SLC22A5: variants seen among roughly 807,000 people sequenced by gnomAD.
SLC22A5 encodes the protein solute carrier family 22 member 5.
Under a neutral mutation model 56.7 loss-of-function variants are expected in SLC22A5, and 44 were observed. The ratio of observed to expected loss-of-function variants is 0.78; its 90% confidence interval spans 0.61 to 1.00. The LOEUF (loss-of-function observed/expected upper bound fraction) is 1.00, where lower values mean the gene tolerates loss of function less well. Among genes scored for constraint, SLC22A5 ranks in the 50% least tolerant of loss-of-function variants. The pLI is 0.00. For synonymous variants in SLC22A5, 278 were observed against 292.1 expected (o/e 0.95, Z 0.49); for missense variants, 675 against 723.0 (o/e 0.93, Z 0.76).
In SLC22A5 at chr5:132,369,831, C is replaced by G; in HGVS notation, c.-142C>G. 9.2e-7 allele frequency: 1 copy of G among 1,092,754 alleles called. No homozygotes were observed. Among genetic ancestry groups the G allele is most frequent in the South Asian group, 1.7e-5 (1 of 59,618 alleles). The allele number at this position is 1,092,754 out of a possible 1,614,324, so 67.7% of individuals were successfully genotyped here. A position where few individuals can be genotyped will look rare whatever the true frequency, so the allele number is the denominator to read the frequency against. On this transcript the variant is annotated 5_prime_UTR_variant, in exon 1 of 10. Coordinates refer to ENST00000245407, the MANE Select transcript of SLC22A5 (RefSeq NM_003060.4). ...GGCAGGACCAAGGCGGCGGTGTCAGCTCGCGAGCCTACCCTCCGCGGACGG... is the reference window on the plus strand; with the variant it reads ...GGCAGGACCAAGGCGGCGGTGTCAGGTCGCGAGCCTACCCTCCGCGGACGG...
chr5:132,376,938 G>A (rs924070274), intron 1 of SLC22A5: 9 of 152,622 alleles, frequency 5.9e-5, no homozygotes, highest in African/African-American at 2.2e-4. Context: ...GCCCTTCTGA[G>A]GCTGTGGAGG....
At chr5:132,372,861 T>C (rs1202037424) in intron 1 of SLC22A5, among the ~76,000 whole-genome samples, 4 of 152,184 alleles carry the variant, frequency 2.6e-5, no homozygotes, top group Non-Finnish European at 4.4e-5. Flanking sequence ...TCTAGTCCCA[T>C]GCCTGCTAAA....
At chr5:132,376,234 T>G (rs1462658541) in intron 1 of SLC22A5, 2 of 152,238 alleles carry the variant, frequency 1.3e-5, no homozygotes, top group African/African-American at 4.8e-5. Context: ...ACAGACCCCC[T>G]GCGGCCAATA....
chr5:132,387,691 G>C (rs551217175), intron 5 of SLC22A5: 1 of 186,630 alleles, frequency 5.4e-6, no homozygotes, highest in Non-Finnish European at 1.2e-5. Context: ...CTTGGAGTCA[G>C]GTCCTTTTTG....
At chr5:132,392,701 CA>C in intron 8 of SLC22A5, 86 bp downstream of exon 8, 1 of 1,209,876 alleles carries the variant, frequency 8.3e-7, no homozygotes, top group Non-Finnish European at 1.2e-6. Flanking sequence ...TGCGTGTTAA[CA>C]GGAAAACAAG....
Position 132,369,781 on chromosome 5 carries a change from G to T in SLC22A5, c.-192G>T, listed in dbSNP as rs897055675. 7.7e-6 allele frequency: 5 copies of T among 653,566 alleles called. No homozygotes were observed. Among genetic ancestry groups the T allele is most frequent in the South Asian group, 4.5e-5 (2 of 44,796 alleles). The allele number at this position is 653,566 out of a possible 1,614,324, so 40.5% of individuals were successfully genotyped here. ...CCCAGGCCCGCAACCTTCCCTGGTC[G>T]TGCGCCCTATGTAAGGCCAGCCGCG... On this transcript the variant is annotated 5_prime_UTR_variant, in exon 1 of 10. Transcript: ENST00000245407.
At position 132,394,260 on chromosome 5, in the gene SLC22A5, C is replaced by T. The variant is rs1413183929; in HGVS notation, c.1662C>T (p.Ser554=). 6 of 1,609,224 alleles carry T rather than the reference C, an allele frequency of 3.7e-6. No homozygotes were observed. The Admixed American group carries it at 8.3e-5, about 22-fold the overall frequency. Residue 554 remains serine (S), a synonymous_variant, in exon 10 of 10, where the codon AGC becomes AGT. Coordinates refer to ENST00000245407, the MANE Select transcript of SLC22A5 (RefSeq NM_003060.4). ...DGQERPTILK[S]TAF ...AAGAAAGGCCCACAATCCTTAAAAG[C>T]ACAGCCTTCTAACATCGCTTCCAGT...
Position 132,387,206 on chromosome 5 carries a change from A to C in SLC22A5, c.951+55A>C, listed in dbSNP as rs1270597183. 1.9e-6 allele frequency: 3 copies of C among 1,608,616 alleles called. No individual in the cohort carries two copies. The Admixed American group carries it at 5.0e-5, about 27-fold the overall frequency. On this transcript the variant is annotated intron_variant, in intron 5 of 9. Transcript: ENST00000245407. ...GACAGACTGACCGTGATTTGAGAGC[A>C]GCAGCACCCAGCCCTGAAGTCCTCC...
rs1225763110 is a variant in SLC22A5, at chr5:132,370,044, G to A, written c.72G>A (p.Leu24=). ...WGPFQRLIFF[L]LSASIIPNGF... ...CCTTCCAGCGCCTCATCTTCTTCCT[G>A]CTCAGCGCCAGCATCATCCCCAATG... is the stretch of plus-strand genomic sequence containing the variant. Residue 24 remains leucine (L), a synonymous_variant, in exon 1 of 10, where the codon CTG becomes CTA. Transcript: ENST00000245407. 1 of 1,613,384 alleles carries A rather than the reference G, an allele frequency of 6.2e-7. No homozygotes were observed. Among genetic ancestry groups the A allele is most frequent in the South Asian group, 1.1e-5 (1 of 91,080 alleles).
In SLC22A5 at chr5:132,369,737, A is replaced by C; in HGVS notation, c.-236A>C. 2.1e-6 allele frequency: 1 copy of C among 473,238 alleles called. No homozygotes were observed. Among genetic ancestry groups the C allele is most frequent in the Non-Finnish European group, 3.6e-6 (1 of 280,558 alleles). The allele number at this position is 473,238 out of a possible 1,614,324, so 29.3% of individuals were successfully genotyped here. A position where few individuals can be genotyped will look rare whatever the true frequency, so the allele number is the denominator to read the frequency against. ...CTTCGCCGGCGCCGCTCTGCCTGCC[A>C]GCGGGGCGCGCCTTGCGGCCCAGGC... is the stretch of plus-strand genomic sequence containing the variant. On this transcript the variant is annotated 5_prime_UTR_variant, in exon 1 of 10. Coordinates refer to ENST00000245407, the MANE Select transcript of SLC22A5 (RefSeq NM_003060.4).
rs1223468160 is a variant in SLC22A5 at position 132,392,622 on chromosome 5, C to A, written c.1450+7C>A. 1 of 1,612,690 alleles carries A rather than the reference C, an allele frequency of 6.2e-7. No homozygotes were observed. Among genetic ancestry groups the A allele is most frequent in the African/African-American group, 1.3e-5 (1 of 74,890 alleles). ...CCCTACTTCGTTTACCTTGGTAAGTCCCATGAGCCAAGGGCACACTAGAGC... is the reference window on the plus strand; with the variant it reads ...CCCTACTTCGTTTACCTTGGTAAGTACCATGAGCCAAGGGCACACTAGAGC... On this transcript the variant is annotated splice_region_variant and intron_variant, in intron 8 of 9. Coordinates refer to ENST00000245407, the MANE Select transcript of SLC22A5 (RefSeq NM_003060.4).
At chr5:132,382,051 C>T (rs1364237138) in intron 2 of SLC22A5, 1 of 152,146 alleles carries the variant, frequency 6.6e-6, no homozygotes, top group East Asian at 1.9e-4. Context: ...ACCCTATTAA[C>T]ATTTTGAGCC....
intron 4 of SLC22A5, among the ~76,000 whole-genome samples, chr5:132,385,754 G>T (rs1173833750): frequency 6.6e-6 from 1 of 152,290 alleles, no homozygotes; most frequent in African/African-American, 2.4e-5. Flanking sequence ...GTAGCTGTGA[G>T]AAGATGGGGT....
chr5:132,378,507 C>T (rs139099548), intron 2 of SLC22A5, 26 bp downstream of exon 2: 1 of 1,539,508 alleles, frequency 6.5e-7, no homozygotes, highest in East Asian at 2.2e-5. Flanking sequence ...TCTGGAGCAC[C>T]AGGGGACCTC....
chr5:132,373,497 G>A (rs1349468148), intron 1 of SLC22A5, among the ~76,000 whole-genome samples: 1 of 152,190 alleles, frequency 6.6e-6, no homozygotes, highest in Non-Finnish European at 1.5e-5. Flanking sequence ...TTAGCTGGGT[G>A]TGGTGGCACA....
Position 132,369,805 on chromosome 5 carries a change from C to T in SLC22A5, c.-168C>T, listed in dbSNP as rs906662609. 55 of 843,276 alleles carry T rather than the reference C, an allele frequency of 6.5e-5. No homozygotes were observed. The highest frequency in any genetic ancestry group is 9.1e-5 in the Non-Finnish European group (52 of 572,054). 52.2% of individuals were successfully genotyped at this position (843,276 alleles called of 1,614,324 possible). A position where few individuals can be genotyped will look rare whatever the true frequency, so the allele number is the denominator to read the frequency against. On this transcript the variant is annotated 5_prime_UTR_variant, in exon 1 of 10. Transcript: ENST00000245407. ...CGTGCGCCCTATGTAAGGCCAGCCG[C>T]GGCAGGACCAAGGCGGCGGTGTCAG...
At chr5:132,383,660 T>G (rs1173408486) in intron 2 of SLC22A5, 2 of 197,188 alleles carry the variant, frequency 1.0e-5, no homozygotes, top group Non-Finnish European at 2.1e-5. Context: ...TTTATTACCT[T>G]TTCATTTAAA....
rs1030200487 is a variant in SLC22A5, at chr5:132,394,944, G to T, written c.*672G>T. 1 of 152,628 alleles carries T rather than the reference G, an allele frequency of 6.6e-6. No homozygotes were observed. The highest frequency in any genetic ancestry group is 2.4e-5 in the African/African-American group (1 of 41,450). The allele number at this position is 152,628 out of a possible 1,614,324, so 9.5% of individuals were successfully genotyped here. On this transcript the variant is annotated 3_prime_UTR_variant, in exon 10 of 10. Transcript: ENST00000245407. ...TACATCTGATCAAAGCACTGGGCTT[G>T]TCCAGGCTCATAATAAATGCTCCAT...
At position 132,387,102 on chromosome 5, in the gene SLC22A5, C is replaced by G. The variant is rs72552730; in HGVS notation, c.902C>G (p.Ala301Gly). The G allele has an allele frequency of 6.2e-7, 1 of 1,614,050 alleles. No individual in the cohort carries two copies. Among genetic ancestry groups the G allele is most frequent in the East Asian group, 2.2e-5 (1 of 44,902 alleles). The change falls in exon 5 of 10, where the codon GCC (alanine) becomes GGC (glycine). Residue 301 changes from alanine (A) to glycine (G), a missense_variant. Coordinates refer to ENST00000245407, the MANE Select transcript of SLC22A5 (RefSeq NM_003060.4). ...GCAGAGGTGATCATCCGCAAGGCTG[C>G]CAAAGCCAATGGGATTGTTGTGCCT... ...EEAEVIIRKA[A>G]KANGIVVPST...
Sources: allele counts gnomAD v4.1 joint callset (sites outside exome capture counted in the v4.1 genomes callset), GRCh38; gene constraint gnomAD v4.1.1; transcripts MANE v1.5; gene names NCBI Gene and HGNC (gene_info 2026-07-23, HGNC 2026-07-21).